SOX6: variants seen among roughly 807,000 people sequenced by gnomAD.
SOX6 encodes transcription factor SOX-6.
Under a neutral mutation model 97.8 loss-of-function variants are expected in SOX6, and 11 were observed. That is an observed-to-expected ratio of 0.11 (90% confidence interval 0.07 to 0.19). The LOEUF is 0.19. SOX6 is among the 10% of genes least tolerant of loss of function. The probability of loss-of-function intolerance (pLI) is 1.00; values close to 1 mark genes in which losing one functional copy is unlikely to be tolerated. For synonymous variants in SOX6, 360 were observed against 371.4 expected (o/e 0.97, Z 0.35); for missense variants, 810 against 1,039.5 (o/e 0.78, Z 3.04).
At chr11:16,494,993 G>A (rs759762075) in intron 4 of SOX6, among the ~76,000 whole-genome samples, 8 of 152,120 alleles carry the variant, frequency 5.3e-5, no homozygotes, top group African/African-American at 1.9e-4. Flanking sequence ...CCTCCAGACT[G>A]CATCCTGCCT....
chr11:16,523,759 A>G (rs1278713650), intron 4 of SOX6, among the ~76,000 whole-genome samples: 1 of 152,124 alleles, frequency 6.6e-6, no homozygotes, highest in Admixed American at 6.6e-5. Flanking sequence ...GAAAAAAAGA[A>G]AGAAGAATCA....
intron 3 of SOX6, among the ~76,000 whole-genome samples, chr11:16,614,657 T>G (rs1848447569): frequency 1.3e-5 from 2 of 152,138 alleles, no homozygotes; most frequent in Non-Finnish European, 2.9e-5. Flanking sequence ...CTGAAATAAT[T>G]TATCGCGGTT....
intron 1 of SOX6, among the ~76,000 whole-genome samples, chr11:16,353,681 T>C (rs1233117980): frequency 6.6e-6 from 1 of 152,042 alleles, no homozygotes; most frequent in African/African-American, 2.4e-5. Flanking sequence ...TTTCCATGAA[T>C]CATTGCACAG....
At chr11:16,532,953 G>A (rs1861258219) in intron 4 of SOX6, among the ~76,000 whole-genome samples, 1 of 151,740 alleles carries the variant, frequency 6.6e-6, no homozygotes, top group South Asian at 2.1e-4. Context: ...GTTGCAATAA[G>A]GACACGCCAA....
chr11:16,519,828 G>A (rs1337090321), intron 4 of SOX6, among the ~76,000 whole-genome samples: 2 of 152,146 alleles, frequency 1.3e-5, no homozygotes, highest in East Asian at 1.9e-4. Flanking sequence ...CAGTACATAA[G>A]TGTTCCCTTT....
chr11:16,528,895 A>G (rs554863221), intron 4 of SOX6, among the ~76,000 whole-genome samples: 7 of 152,078 alleles, frequency 4.6e-5, no homozygotes, highest in Non-Finnish European at 1.0e-4. Context: ...GTTATTTTGT[A>G]GCTGCCTGAA....
At chr11:16,267,918 A>C (rs778870662) in intron 3 of SOX6, among the ~76,000 whole-genome samples, 20 of 151,540 alleles carry the variant, frequency 1.3e-4, no homozygotes, top group Non-Finnish European at 1.9e-4. Context: ...ATTGGAGAAC[A>C]TCATGCTAAG....
chr11:16,340,475 T>C (rs117573112), intron 2 of SOX6, among the ~76,000 whole-genome samples: 1,078 of 152,166 alleles, frequency 7.1e-3, no homozygotes, highest in Non-Finnish European at 9.8e-3. Context: ...TGTAGTCTGA[T>C]TGACTTATTC....
intron 3 of SOX6, among the ~76,000 whole-genome samples, chr11:16,672,487 A>C (rs138849613): frequency 2.0e-5 from 3 of 152,232 alleles, no homozygotes; most frequent in Admixed American, 6.5e-5. Flanking sequence ...GAGGCCTCAC[A>C]ATCATGATGG....
intron 3 of SOX6, among the ~76,000 whole-genome samples, chr11:16,287,339 A>C (rs1854785393): frequency 7.0e-6 from 1 of 142,106 alleles, no homozygotes; most frequent in African/African-American, 2.7e-5. Flanking sequence ...CGCTCCTCCT[A>C]TACTATTGCT....
intron 3 of SOX6, among the ~76,000 whole-genome samples, chr11:16,626,433 C>G (rs1848624965): frequency 6.6e-6 from 1 of 152,216 alleles, no homozygotes; most frequent in African/African-American, 2.4e-5. Context: ...AAATACTACA[C>G]TGTCTTGATT....
upstream of SOX6, among the ~76,000 whole-genome samples, chr11:16,480,628 C>A (rs952782270): frequency 6.7e-5 from 9 of 133,334 alleles, no homozygotes; most frequent in Admixed American, 5.0e-4. Flanking sequence ...AAGCCACACC[C>A]ATTTCTGTTT....
chr11:16,586,755 T>C (rs149382079), intron 4 of SOX6, among the ~76,000 whole-genome samples: 71 of 152,216 alleles, frequency 4.7e-4, no homozygotes, highest in African/African-American at 1.5e-3. Flanking sequence ...TAATGGGTTA[T>C]CAAATAGAAA....
intron 4 of SOX6, among the ~76,000 whole-genome samples, chr11:16,496,648 C>G (rs1449523010): frequency 6.6e-6 from 1 of 152,212 alleles, no homozygotes; most frequent in Admixed American, 6.5e-5. Context: ...ATGGTCTTAG[C>G]AAACGGCACA....
intron 9 of SOX6, among the ~76,000 whole-genome samples, chr11:16,067,663 A>T (rs947301038): frequency 2.0e-5 from 3 of 152,172 alleles, no homozygotes; most frequent in Admixed American, 2.0e-4. Context: ...TAACTAAAAT[A>T]GTGTAACTGG....
intron 15 of SOX6, among the ~76,000 whole-genome samples, chr11:15,980,247 A>G (rs1354686419): frequency 1.3e-5 from 2 of 152,064 alleles, no homozygotes; most frequent in Non-Finnish European, 2.9e-5. Flanking sequence ...ATTATGGCTT[A>G]GTTAACAGAA....
At chr11:16,674,082 C>T (rs774379399) in intron 3 of SOX6, among the ~76,000 whole-genome samples, 1 of 146,526 alleles carries the variant, frequency 6.8e-6, no homozygotes, top group Admixed American at 7.1e-5. Flanking sequence ...CCCAGCTACT[C>T]GGAAGGCTGA....
At chr11:16,426,605 C>G (rs1041300098) in intron 1 of SOX6, among the ~76,000 whole-genome samples, 7 of 151,716 alleles carry the variant, frequency 4.6e-5, no homozygotes, top group Non-Finnish European at 2.9e-5. Context: ...GCTAGCCATA[C>G]GCAGAAGATT....
chr11:16,624,055 T>C (rs1177594768), intron 3 of SOX6, among the ~76,000 whole-genome samples: 1 of 152,220 alleles, frequency 6.6e-6, no homozygotes, highest in Non-Finnish European at 1.5e-5. Context: ...CTATTCTTGT[T>C]CATTACAAAT....
Sources: gnomAD v4.1 joint callset for allele counts (sites outside exome capture counted in the v4.1 genomes callset) on GRCh38, gnomAD v4.1.1 for gene constraint, MANE v1.5 for transcripts, NCBI Gene and HGNC (gene_info 2026-07-23, HGNC 2026-07-21) for gene names.